The following SPATA6 variants were observed in gnomAD, a reference collection of about 807,000 sequenced individuals.
SPATA6 encodes the protein spermatogenesis associated 6.
A neutral mutation model predicts 65.3 loss-of-function variants in SPATA6; 56 were observed. The observed-to-expected ratio is 0.86, with a 90% CI of 0.69 to 1.07. The LOEUF is 1.07. Among genes scored for constraint, SPATA6 ranks in the 50% least tolerant of loss-of-function variants. The pLI is 0.00. For synonymous variants in SPATA6, 199 were observed against 213.2 expected, an observed-to-expected ratio of 0.93 and a Z score of 0.58; for missense variants, 590 against 594.8, an observed-to-expected ratio of 0.99 and a Z score of 0.08.
At chr1:48,433,785 T>C (rs1654623868) in intron 3 of SPATA6, among the ~76,000 whole-genome samples, 1 of 152,102 alleles carries the variant, frequency 6.6e-6, no homozygotes, top group Non-Finnish European at 1.5e-5. Flanking sequence ...ATGCACAGAC[T>C]TAGAGGAATT....
chr1:48,367,209 C>G (rs1187315133), intron 9 of SPATA6, among the ~76,000 whole-genome samples: 3 of 152,176 alleles, frequency 2.0e-5, no homozygotes, highest in Non-Finnish European at 4.4e-5. Context: ...GAGTGCTTTA[C>G]TTCCAACTAT....
At chr1:48,360,532 C>A (rs951653746) in intron 9 of SPATA6, among the ~76,000 whole-genome samples, 1 of 148,262 alleles carries the variant, frequency 6.7e-6, no homozygotes, top group Non-Finnish European at 1.5e-5. Context: ...AAAATAAATG[C>A]AAAGATCTTG....
chr1:48,363,807 T>A (rs1357857798), intron 9 of SPATA6, among the ~76,000 whole-genome samples: 1 of 151,706 alleles, frequency 6.6e-6, no homozygotes, highest in Non-Finnish European at 1.5e-5. Flanking sequence ...AAATTTATTT[T>A]ATTATTATTA....
intron 3 of SPATA6, among the ~76,000 whole-genome samples, chr1:48,445,732 T>C (rs1022782673): frequency 3.1e-4 from 43 of 139,212 alleles, no homozygotes; most frequent in East Asian, 2.3e-4. Flanking sequence ...CATGTGTACA[T>C]AGGCTATGCC....
intron 10 of SPATA6, among the ~76,000 whole-genome samples, chr1:48,356,664 C>T (rs770336301): frequency 1.3e-5 from 2 of 151,910 alleles, no homozygotes; most frequent in Admixed American, 6.6e-5. Flanking sequence ...CCTGCCACTA[C>T]ACCTGGCTAA....
At chr1:48,272,532 C>A in the SPATA6 span, among the ~76,000 whole-genome samples, 6 of 152,108 alleles carry the variant, frequency 3.9e-5, no homozygotes, top group Non-Finnish European at 8.8e-5. Context: ...TTTATTAAGG[C>A]AGAATAGTAT....
At chr1:48,465,505 T>A (rs1419868927) in intron 1 of SPATA6, among the ~76,000 whole-genome samples, 1 of 152,132 alleles carries the variant, frequency 6.6e-6, no homozygotes, top group East Asian at 1.9e-4. Context: ...CCCAAAATCA[T>A]CCTTTTACAG....
chr1:48,442,682 A>G (rs375666979), intron 3 of SPATA6, among the ~76,000 whole-genome samples: 228 of 147,928 alleles, frequency 1.5e-3, no homozygotes, highest in Non-Finnish European at 2.3e-3. Context: ...AGAGAAAGAG[A>G]AAGACAAGTC....
intron 11 of SPATA6, among the ~76,000 whole-genome samples, chr1:48,308,302 G>A (rs919212382): frequency 5.9e-5 from 9 of 151,924 alleles, no homozygotes; most frequent in Non-Finnish European, 1.3e-4. Context: ...TCTAAGTTTA[G>A]ATGATATCAA....
chr1:48,384,420 G>C (rs547378547), intron 9 of SPATA6, among the ~76,000 whole-genome samples: 4 of 109,854 alleles, frequency 3.6e-5, no homozygotes, highest in South Asian at 6.1e-4. Context: ...GAGGGAGAGG[G>C]AGAGGGGTTT....
At chr1:48,292,677 T>C (rs1297813444), downstream of SPATA6, among the ~76,000 whole-genome samples, 1 of 152,210 alleles carries the variant, frequency 6.6e-6, no homozygotes, top group Non-Finnish European at 1.5e-5. Flanking sequence ...ATAGCAGGCA[T>C]ATGTACAGTG....
chr1:48,410,111 T>A (rs1190040882), intron 5 of SPATA6, among the ~76,000 whole-genome samples: 1 of 152,366 alleles, frequency 6.6e-6, no homozygotes, highest in East Asian at 1.9e-4. Flanking sequence ...CTTTTGAAAT[T>A]GAATGCCTTT....
intron 3 of SPATA6, among the ~76,000 whole-genome samples, chr1:48,432,893 C>T (rs969784367): frequency 1.2e-4 from 18 of 152,154 alleles, no homozygotes; most frequent in Non-Finnish European, 4.4e-5. Flanking sequence ...TCTATCAACA[C>T]ATGAAGTGAT....
intron 9 of SPATA6, among the ~76,000 whole-genome samples, chr1:48,384,472 T>C (rs1428486165): frequency 2.7e-5 from 4 of 147,042 alleles, no homozygotes; most frequent in Non-Finnish European, 6.0e-5. Context: ...ACTATCAAGA[T>C]ACTTTCACTT....
Position 48,403,853 on chromosome 1 carries a change from C to T in SPATA6, c.435G>A (p.Thr145=), listed in dbSNP as rs147246128. 24 of 1,608,794 alleles carry T rather than the reference C, an allele frequency of 1.5e-5. No individual in the cohort carries two copies. The highest frequency in any genetic ancestry group is 8.0e-5 in the African/African-American group (6 of 74,630). The change falls in exon 6 of 13, where the codon ACG becomes ACA. Residue 145 remains threonine (T), a synonymous_variant. Transcript: ENST00000371847. ...RGNAPRLEFS[T]TSVITECLIS... ...TCAGACATTCAGTAATCACTGAAGT[C>T]GTAGAAAATTCCAGCCTTGGAGCAT...
intron 11 of SPATA6, among the ~76,000 whole-genome samples, chr1:48,308,039 A>G (rs1218358800): frequency 6.6e-6 from 1 of 151,998 alleles, no homozygotes. Flanking sequence ...TCCAGTCTCC[A>G]AAATTCTACC....
chr1:48,471,985 C>T lies in SPATA6; in HGVS notation c.24G>A (p.Gln8=), dbSNP rs1272547725. The T allele has an allele frequency of 3.1e-6, 5 of 1,593,746 alleles. No homozygotes were observed. Among genetic ancestry groups the T allele is most frequent in the Middle Eastern group, 1.7e-4 (1 of 5,906 alleles). The change falls in exon 1 of 13, where the codon CAG becomes CAA. Residue 8 remains glutamine, a synonymous_variant. Transcript: ENST00000371847. Reference sequence around the variant, plus strand: ...AGCTGATCTCCAGCGCCAGGGCGCACTGCAGCGCCTTCACCTTCGGCATCC... The same window carrying T: ...AGCTGATCTCCAGCGCCAGGGCGCATTGCAGCGCCTTCACCTTCGGCATCC... The part of the protein sequence containing the change: MPKVKAL[Q]CALALEISSV...
At chr1:48,428,775 A>ATATGTGTGTGTGTG (rs374475889) in intron 3 of SPATA6, among the ~76,000 whole-genome samples, 1 of 133,496 alleles carries the variant, frequency 7.5e-6, no homozygotes, top group Non-Finnish European at 1.6e-5. Flanking sequence ...AGGTGTATAT[A>ATATGTGTGTGTGTG]TGTGTGTGTG....
chr1:48,276,903 T>G, the SPATA6 span, among the ~76,000 whole-genome samples: 1 of 152,134 alleles, frequency 6.6e-6, no homozygotes, highest in African/African-American at 2.4e-5. Flanking sequence ...TTGTGTCTCA[T>G]TGATCTAATA....
Sources: allele counts gnomAD v4.1 joint callset (sites outside exome capture counted in the v4.1 genomes callset), GRCh38; gene constraint gnomAD v4.1.1; transcripts MANE v1.5; gene names NCBI Gene and HGNC (gene_info 2026-07-23, HGNC 2026-07-21).